Variants in PTPRQ observed in about 807,000 individuals in gnomAD.
PTPRQ encodes the protein phosphatidylinositol phosphatase PTPRQ.
PTPRQ carries 199 observed loss-of-function variants against 246.0 expected under a neutral mutation model. The observed-to-expected ratio is 0.81, with a 90% CI of 0.72 to 0.91. PTPRQ has a LOEUF of 0.91. Among genes scored for constraint, PTPRQ ranks in the 40% least tolerant of loss-of-function variants. The probability of loss-of-function intolerance (pLI) is 0.00; values close to 1 mark genes in which losing one functional copy is unlikely to be tolerated. For missense variants in PTPRQ, 2,624 were observed against 2,528.4 expected (o/e 1.04, Z -0.81); for synonymous variants, 869 against 853.2 (o/e 1.02, Z -0.32).
rs12319264 is a variant in PTPRQ, at chr12:80,613,533, G to A, written c.4919-59G>A. On this transcript the variant is annotated intron_variant, in intron 28 of 44. Coordinates refer to ENST00000644991, the MANE Select transcript of PTPRQ (RefSeq NM_001145026.2). The stretch of plus-strand genomic sequence containing the variant: ...AGAAGTTCAAAGCAAATAAATTTAT[G>A]TGGAGATAAAAAGGAATACAATATT... The A allele has an allele frequency of 1.6e-3, 2,266 of 1,414,136 alleles. 32 individuals are homozygous for A. The African/African-American group carries it at 0.028, about 17-fold the overall frequency. The allele number at this position is 1,414,136 out of a possible 1,614,324, so 87.6% of individuals were successfully genotyped here.
chr12:80,535,934 C>T (rs1895973488), intron 19 of PTPRQ, among the ~76,000 whole-genome samples: 1 of 152,026 alleles, frequency 6.6e-6, no homozygotes, highest in South Asian at 2.1e-4. Context: ...GGTGAAACCC[C>T]GTCTCTACTA....
chr12:80,542,310 A>G lies in PTPRQ; in HGVS notation c.3667A>G (p.Thr1223Ala). The change falls in exon 22 of 45, where the codon ACT becomes GCT. Residue 1223 changes from threonine to alanine, a missense_variant. Coordinates refer to ENST00000644991, the MANE Select transcript of PTPRQ (RefSeq NM_001145026.2). ...TLYSFFAAAR[T>A]RKGLGPSSIL... ...ATATAGCTTTTTTGCTGCCGCAAGA[A>G]CTAGAAAAGGACTTGGTCCTTCCAG... 2.6e-6 allele frequency: 4 copies of G among 1,549,462 alleles called. No homozygotes were observed. The highest frequency in any genetic ancestry group is 2.6e-6 in the Non-Finnish European group (3 of 1,146,304).
Position 80,535,951 on chromosome 12 carries a change from C to CA in PTPRQ, c.2985+920dup, listed in dbSNP as rs1018302069. Among the ~76,000 whole-genome samples, 154 of 152,180 alleles carry CA rather than the reference C, an allele frequency of 1.0e-3. 1 individual carries two copies. The highest frequency in any genetic ancestry group is 3.5e-3 in the African/African-American group (144 of 41,536). ...TGAAACCCCGTCTCTACTAAAAATA[C>CA]AAAAAATTAGCCAGGCGTCGTGGCA... On this transcript the variant is annotated intron_variant, in intron 19 of 44. Transcript: ENST00000644991.
At chr12:80,592,454 G>A (rs1897830389) in intron 26 of PTPRQ, among the ~76,000 whole-genome samples, 1 of 152,052 alleles carries the variant, frequency 6.6e-6, no homozygotes, top group Admixed American at 6.5e-5. Context: ...AAGTCAGGAA[G>A]AGATAATTTG....
intron 28 of PTPRQ, 27 bp from the exon 29 acceptor site, chr12:80,613,565 A>C (rs1898635031): frequency 6.8e-7 from 1 of 1,472,400 alleles, no homozygotes; most frequent in African/African-American, 1.4e-5. Flanking sequence ...TATTTTTAAA[A>C]ATTAATTGTT....
At chr12:80,645,677 G>A (rs1051971993) in intron 35 of PTPRQ, among the ~76,000 whole-genome samples, 2 of 151,788 alleles carry the variant, frequency 1.3e-5, no homozygotes, top group Non-Finnish European at 1.5e-5. Flanking sequence ...GATTTTACAG[G>A]CAAAGGAAAT....
chr12:80,612,274 A>C (rs1240219913), intron 28 of PTPRQ, among the ~76,000 whole-genome samples: 1 of 150,296 alleles, frequency 6.7e-6, no homozygotes, highest in African/African-American at 2.4e-5. Flanking sequence ...AAAATAAACT[A>C]AAATATTTAT....
At chr12:80,615,504 C>T (rs1378402329) in intron 29 of PTPRQ, among the ~76,000 whole-genome samples, 2 of 151,070 alleles carry the variant, frequency 1.3e-5, no homozygotes, top group African/African-American at 4.8e-5. Flanking sequence ...TCTACAGCTT[C>T]CTTAGCACAA....
chr12:80,655,409 C>T (rs1250745960), intron 38 of PTPRQ, among the ~76,000 whole-genome samples: 1 of 152,094 alleles, frequency 6.6e-6, no homozygotes, highest in Non-Finnish European at 1.5e-5. Context: ...TAGATCATTT[C>T]CTTTTAAGAG....
At chr12:80,631,731 A>G (rs1176743140) in intron 33 of PTPRQ, among the ~76,000 whole-genome samples, 1 of 152,208 alleles carries the variant, frequency 6.6e-6, no homozygotes. Flanking sequence ...AGATGACTCC[A>G]GGGTTTTGGC....
chr12:80,518,214 T>C (rs1895364662), intron 17 of PTPRQ, among the ~76,000 whole-genome samples: 1 of 152,180 alleles, frequency 6.6e-6, no homozygotes, highest in Admixed American at 6.6e-5. Context: ...TAGTTTTGAT[T>C]TGCATTTCTC....
At chr12:80,546,765 G>C (rs1336213020) in intron 24 of PTPRQ, 68 bp downstream of exon 24, 24 of 1,497,068 alleles carry the variant, frequency 1.6e-5, no homozygotes, top group Non-Finnish European at 2.1e-5. Flanking sequence ...CCTTTTCTTA[G>C]TTTATATGAT....
chr12:80,557,516 CA>C (rs1896679071), intron 25 of PTPRQ, among the ~76,000 whole-genome samples: 1 of 151,484 alleles, frequency 6.6e-6, no homozygotes, highest in Non-Finnish European at 1.5e-5. Context: ...GAGTGATAGG[CA>C]TAGAGCAAAC....
intron 26 of PTPRQ, among the ~76,000 whole-genome samples, chr12:80,595,024 T>C (rs1897922894): frequency 6.6e-6 from 1 of 152,218 alleles, no homozygotes; most frequent in South Asian, 2.1e-4. Flanking sequence ...TTTATATTTC[T>C]CACACATGCA....
rs1041441790 is a variant in PTPRQ at position 80,468,961 on chromosome 12, A to G, written c.1039+123A>G. 8 of 1,338,528 alleles carry G rather than the reference A, an allele frequency of 6.0e-6. No individual in the cohort carries two copies. In the African/African-American group the frequency reaches 1.2e-4, roughly 20 times the overall value. 82.9% of individuals were successfully genotyped at this position (1,338,528 alleles called of 1,614,324 possible). On this transcript the variant is annotated intron_variant, in intron 7 of 44. Transcript: ENST00000644991. The stretch of plus-strand genomic sequence containing the variant: ...AAAGACTCTAAGATTGAAGCAAACA[A>G]TAGGAAAGTCATAAGGAAGGGGAGG...
At chr12:80,657,618 CAG>C (rs1169103946) in intron 38 of PTPRQ, among the ~76,000 whole-genome samples, 1 of 151,516 alleles carries the variant, frequency 6.6e-6, no homozygotes, top group Non-Finnish European at 1.5e-5. Flanking sequence ...TATATTCAAA[CAG>C]TGAAATACTG....
At chr12:80,524,430 T>C (rs1483487279) in intron 17 of PTPRQ, among the ~76,000 whole-genome samples, 1 of 152,106 alleles carries the variant, frequency 6.6e-6, no homozygotes, top group Non-Finnish European at 1.5e-5. Flanking sequence ...GAACTGTGAG[T>C]CCATTAAACT....
chr12:80,569,234 A>G, intron 25 of PTPRQ, among the ~76,000 whole-genome samples: 1 of 147,798 alleles, frequency 6.8e-6, no homozygotes, highest in Non-Finnish European at 1.5e-5. Context: ...TTCTTGCGAT[A>G]GTTTACTGAG....
chr12:80,474,178 C>T (rs772894905), intron 8 of PTPRQ, among the ~76,000 whole-genome samples: 2 of 152,166 alleles, frequency 1.3e-5, no homozygotes, highest in African/African-American at 4.8e-5. Flanking sequence ...AATGTGATAA[C>T]TCATTAGAAC....
Sources: gnomAD v4.1 joint callset for allele counts (sites outside exome capture counted in the v4.1 genomes callset) on GRCh38, gnomAD v4.1.1 for gene constraint, MANE v1.5 for transcripts, NCBI Gene and HGNC (gene_info 2026-07-23, HGNC 2026-07-21) for gene names.